The following CELF2 variants were observed in gnomAD, a reference collection of about 807,000 sequenced individuals.
The protein encoded by CELF2 is CUGBP Elav-like family member 2.
Under a neutral mutation model 62.6 loss-of-function variants are expected in CELF2, and 8 were observed. That is an observed-to-expected ratio of 0.13 (90% CI 0.07 to 0.23). The LOEUF (loss-of-function observed/expected upper bound fraction) is 0.23. CELF2 is among the 10% of genes least tolerant of loss of function. The pLI, the probability that CELF2 is intolerant of heterozygous loss-of-function variation, is 1.00. For missense variants in CELF2, 333 were observed against 671.0 expected, an observed-to-expected ratio of 0.50 and a Z score of 5.56; for synonymous variants, 258 against 250.0, an observed-to-expected ratio of 1.03 and a Z score of -0.30.
At chr10:10,533,471 A>G in the CELF2 span, among the ~76,000 whole-genome samples, 1 of 152,234 alleles carries the variant, frequency 6.6e-6, no homozygotes, top group Non-Finnish European at 1.5e-5. Flanking sequence ...AATTTTTTAC[A>G]AAACTGCCTC....
At chr10:10,919,873 T>C (rs2064722052) in intron 1 of CELF2, 2 of 842,600 alleles carry the variant, frequency 2.4e-6, no homozygotes, top group East Asian at 6.7e-5. Context: ...TTATACCTGA[T>C]ACCATAATAC....
the CELF2 span, among the ~76,000 whole-genome samples, chr10:10,728,629 A>G: frequency 6.6e-6 from 1 of 152,028 alleles, no homozygotes; most frequent in Non-Finnish European, 1.5e-5. Context: ...AGGGTGGGGG[A>G]CAGCAGGAGG....
At chr10:10,536,581 G>A in the CELF2 span, among the ~76,000 whole-genome samples, 8 of 152,162 alleles carry the variant, frequency 5.3e-5, no homozygotes, top group Non-Finnish European at 8.8e-5. Context: ...GTATTTAACT[G>A]TGACCCCAAA....
chr10:11,210,870 G>A (rs2061617854), intron 2 of CELF2, among the ~76,000 whole-genome samples: 1 of 152,132 alleles, frequency 6.6e-6, no homozygotes, highest in Admixed American at 6.5e-5. Flanking sequence ...ATTGCGCTTT[G>A]CATGTATGTA....
At chr10:11,200,777 C>G (rs1374040988) in intron 2 of CELF2, among the ~76,000 whole-genome samples, 1 of 152,152 alleles carries the variant, frequency 6.6e-6, no homozygotes, top group Non-Finnish European at 1.5e-5. Context: ...TTGAAACCTG[C>G]TAGCAAAAGG....
intron 1 of CELF2, among the ~76,000 whole-genome samples, chr10:11,053,438 G>C (rs1479167319): frequency 6.6e-6 from 1 of 152,008 alleles, no homozygotes; most frequent in Non-Finnish European, 1.5e-5. Flanking sequence ...GTCATAATCA[G>C]TTTCAAGTAT....
chr10:10,759,158 C>T, the CELF2 span, among the ~76,000 whole-genome samples: 10 of 152,146 alleles, frequency 6.6e-5, no homozygotes, highest in Non-Finnish European at 1.2e-4. Context: ...GAACAAATCC[C>T]AAAGGCATAA....
chr10:10,642,744 A>T, the CELF2 span, among the ~76,000 whole-genome samples: 2 of 152,268 alleles, frequency 1.3e-5, no homozygotes, highest in Admixed American at 6.5e-5. Flanking sequence ...TTCCCAGAAG[A>T]GTACGTTGAT....
At chr10:10,711,388 T>C in the CELF2 span, among the ~76,000 whole-genome samples, 7 of 152,180 alleles carry the variant, frequency 4.6e-5, no homozygotes, top group African/African-American at 1.7e-4. Flanking sequence ...GATGACAGGC[T>C]TTGTGATTGG....
chr10:10,528,530 C>G, the CELF2 span, among the ~76,000 whole-genome samples: 1 of 152,172 alleles, frequency 6.6e-6, no homozygotes, highest in Non-Finnish European at 1.5e-5. Flanking sequence ...TAGCTGAAGA[C>G]CACAGAGGTG....
chr10:10,606,970 A>T, the CELF2 span, among the ~76,000 whole-genome samples: 1 of 152,208 alleles, frequency 6.6e-6, no homozygotes, highest in Non-Finnish European at 1.5e-5. Context: ...AGTTCTTTCT[A>T]GAACTTAACA....
chr10:10,684,182 A>C, the CELF2 span, among the ~76,000 whole-genome samples: 14 of 152,190 alleles, frequency 9.2e-5, no homozygotes, highest in African/African-American at 1.7e-4. Context: ...CAGATGAGCA[A>C]ACATTCTAGG....
At position 11,311,372 on chromosome 10, in the gene CELF2, A is replaced by G. The variant is rs1351931941; in HGVS notation, c.977-2767A>G. 6.6e-6 allele frequency among the ~76,000 whole-genome samples: 1 copy of G among 152,198 alleles called. No homozygotes were observed. Among genetic ancestry groups the G allele is most frequent in the Non-Finnish European group, 1.5e-5 (1 of 68,040 alleles). ...AATCAAATGTAAGTCATCTTGAAAG[A>G]ACCCATCTTCAACCCAGGCCTCAAA... On this transcript the variant is annotated intron_variant, in intron 9 of 12. Coordinates refer to ENST00000633077, the MANE Select transcript of CELF2 (RefSeq NM_001326342.2). The surrounding 1 kb of genome is among the most constrained non-coding windows in gnomAD (Gnocchi z 4.7).
rs939567321 is a variant in CELF2 at position 10,915,025 on chromosome 10, G to A, written c.54-4939G>A. Among the ~76,000 whole-genome samples the A allele has an allele frequency of 5.9e-5, 9 of 151,922 alleles. 1 individual carries two copies. The highest frequency in any genetic ancestry group is 1.9e-4 in the African/African-American group (8 of 41,436). ...CATGTGCCTGTAATCCCAGCTACTC[G>A]GGAGACTGAGGCAGAAGAAACACTT... is the stretch of plus-strand genomic sequence containing the variant. On this transcript the variant is annotated intron_variant, in intron 1 of 13. Coordinates refer to the CELF2 transcript ENST00000636488.
chr10:11,314,304 CCCA>C lies in CELF2; in HGVS notation c.1096+47_1096+49del, dbSNP rs1565937005. 6.2e-7 allele frequency: 1 copy of C among 1,613,606 alleles called. No homozygotes were observed. Among genetic ancestry groups the C allele is most frequent in the Admixed American group, 1.7e-5 (1 of 60,020 alleles). On this transcript the variant is annotated intron_variant, in intron 10 of 12. Transcript: ENST00000633077. The surrounding 1 kb of genome is among the most constrained non-coding windows in gnomAD (Gnocchi z 5.3). ...TTGCTGCTCTGGTGGACAGCCTTCC[CCCA>C]AATTCTCCACAGAAAGTGGTCAGCC...
At chr10:10,857,006 G>A (rs1028097097) in intron 1 of CELF2, among the ~76,000 whole-genome samples, 7 of 152,024 alleles carry the variant, frequency 4.6e-5, no homozygotes, top group African/African-American at 1.7e-4. Flanking sequence ...AAATAAATGA[G>A]GTAAGCTCCA....
the CELF2 span, among the ~76,000 whole-genome samples, chr10:10,718,857 T>C: frequency 6.6e-6 from 1 of 152,182 alleles, no homozygotes; most frequent in Non-Finnish European, 1.5e-5. Flanking sequence ...TCCCCAGGGT[T>C]CTTGAGCCCA....
chr10:10,539,045 G>A, the CELF2 span, among the ~76,000 whole-genome samples: 2 of 152,212 alleles, frequency 1.3e-5, no homozygotes, highest in Non-Finnish European at 2.9e-5. Context: ...GAAACATCCA[G>A]ATGCTTTATG....
intron 2 of CELF2, among the ~76,000 whole-genome samples, chr10:11,204,122 A>G (rs1318660306): frequency 6.6e-6 from 1 of 152,222 alleles, no homozygotes; most frequent in Non-Finnish European, 1.5e-5. Flanking sequence ...TGGAGAATGA[A>G]TTATTTGATC....
Sources: gnomAD v4.1 joint callset for allele counts (sites outside exome capture counted in the v4.1 genomes callset) on GRCh38, gnomAD v4.1.1 for gene constraint, Gnocchi (gnomAD v3.1) non-coding constraint, MANE v1.5 for transcripts, NCBI Gene and HGNC (gene_info 2026-07-23, HGNC 2026-07-21) for gene names.